The following GULP1 variants were observed in gnomAD, a reference collection of about 807,000 sequenced individuals.
GULP1 encodes the protein PTB domain-containing engulfment adapter protein 1.
GULP1 carries 19 observed loss-of-function variants against 40.9 expected under a neutral mutation model. That is an observed-to-expected ratio of 0.46 (90% CI 0.32 to 0.68). GULP1 has a LOEUF of 0.68. GULP1 is among the 30% of genes least tolerant of loss of function. GULP1 has a pLI of 0.03. For missense variants in GULP1, 312 were observed against 362.2 expected, an observed-to-expected ratio of 0.86 and a Z score of 1.12; for synonymous variants, 119 against 117.6, an observed-to-expected ratio of 1.01 and a Z score of -0.08.
intron 2 of GULP1, among the ~76,000 whole-genome samples, chr2:188,471,291 C>T (rs2060567733): frequency 6.6e-6 from 1 of 151,906 alleles, no homozygotes; most frequent in Non-Finnish European, 1.5e-5. Flanking sequence ...ACTCTTCCCA[C>T]CACCGCCCAC....
At chr2:188,357,860 C>A (rs2045561133) in intron 1 of GULP1, among the ~76,000 whole-genome samples, 1 of 151,938 alleles carries the variant, frequency 6.6e-6, no homozygotes, top group Non-Finnish European at 1.5e-5. Context: ...TATATGTGTA[C>A]AATACAATAT....
intron 4 of GULP1, among the ~76,000 whole-genome samples, chr2:188,505,359 C>T (rs1279683722): frequency 5.3e-5 from 8 of 151,788 alleles, no homozygotes; most frequent in Admixed American, 5.3e-4. Context: ...AACTATGCCA[C>T]CTTTCCTCTC....
chr2:188,398,445 TTAA>T (rs1179775573), intron 2 of GULP1, among the ~76,000 whole-genome samples: 4 of 152,274 alleles, frequency 2.6e-5, no homozygotes, highest in African/African-American at 7.2e-5. Context: ...TACATCTGTG[TTAA>T]TAATGATATT....
At chr2:188,503,504 C>A (rs543564812) in intron 4 of GULP1, among the ~76,000 whole-genome samples, 1 of 151,812 alleles carries the variant, frequency 6.6e-6, no homozygotes, top group Non-Finnish European at 1.5e-5. Flanking sequence ...GAGGAAACTG[C>A]CCCCCGTGAT....
chr2:188,539,372 A>C (rs59164826), intron 6 of GULP1, among the ~76,000 whole-genome samples: 58 of 152,252 alleles, frequency 3.8e-4, no homozygotes, highest in African/African-American at 1.4e-3. Flanking sequence ...GCTGTTATTT[A>C]ATTGACTATA....
chr2:188,382,764 T>C (rs574882582), intron 1 of GULP1, among the ~76,000 whole-genome samples: 11 of 152,280 alleles, frequency 7.2e-5, no homozygotes, highest in African/African-American at 2.4e-4. Context: ...CACACAGTTG[T>C]ATTCCCAGCT....
chr2:188,424,189 T>G (rs1305159379), intron 2 of GULP1, among the ~76,000 whole-genome samples: 1 of 151,878 alleles, frequency 6.6e-6, no homozygotes, highest in Non-Finnish European at 1.5e-5. Flanking sequence ...AAATGGAAAA[T>G]GCCTATTTAA....
chr2:188,310,856 A>G (rs1156511736), intron 1 of GULP1, among the ~76,000 whole-genome samples: 1 of 152,228 alleles, frequency 6.6e-6, no homozygotes, highest in Non-Finnish European at 1.5e-5. Context: ...GGAAGCTAAT[A>G]GAGATCTAAA....
intron 9 of GULP1, among the ~76,000 whole-genome samples, chr2:188,571,130 C>T (rs1394246641): frequency 6.6e-6 from 1 of 151,986 alleles, no homozygotes; most frequent in Non-Finnish European, 1.5e-5. Context: ...CCACTGCAGC[C>T]TGGGTGACAG....
chr2:188,418,794 T>C (rs931656338), intron 2 of GULP1, among the ~76,000 whole-genome samples: 1 of 152,158 alleles, frequency 6.6e-6, no homozygotes, highest in Non-Finnish European at 1.5e-5. Flanking sequence ...TTGTTGACTA[T>C]AGCTACAATG....
chr2:188,438,370 A>C (rs1426110599), intron 2 of GULP1, among the ~76,000 whole-genome samples: 2 of 151,302 alleles, frequency 1.3e-5, no homozygotes, highest in Non-Finnish European at 2.9e-5. Flanking sequence ...TAGATATATC[A>C]CATGTATAGC....
At chr2:188,450,782 T>C (rs1475989470) in intron 2 of GULP1, among the ~76,000 whole-genome samples, 1 of 152,224 alleles carries the variant, frequency 6.6e-6, no homozygotes, top group African/African-American at 2.4e-5. Flanking sequence ...ATTGCTCTTC[T>C]ATAGTTCAGT....
At chr2:188,323,692 G>A (rs968703985) in intron 1 of GULP1, among the ~76,000 whole-genome samples, 1 of 137,272 alleles carries the variant, frequency 7.3e-6, no homozygotes, top group Non-Finnish European at 1.6e-5. Flanking sequence ...GTGTGTGTAT[G>A]TGTGTACAAA....
At chr2:188,317,991 A>C (rs1390202828) in intron 1 of GULP1, among the ~76,000 whole-genome samples, 1 of 152,102 alleles carries the variant, frequency 6.6e-6, no homozygotes, top group Non-Finnish European at 1.5e-5. Flanking sequence ...CCAAAATTTC[A>C]CTTGGCTATT....
chr2:188,457,382 T>C (rs2059352740), intron 2 of GULP1, among the ~76,000 whole-genome samples: 1 of 152,264 alleles, frequency 6.6e-6, no homozygotes, highest in Admixed American at 6.5e-5. Flanking sequence ...GGCTCTTTTC[T>C]GTGCTGTTCT....
At chr2:188,354,023 C>T (rs373839808) in intron 1 of GULP1, among the ~76,000 whole-genome samples, 2 of 152,088 alleles carry the variant, frequency 1.3e-5, no homozygotes, top group African/African-American at 4.8e-5. Context: ...CCCTGCTTCC[C>T]TGGAGCTGGA....
intron 1 of GULP1, among the ~76,000 whole-genome samples, chr2:188,296,719 CT>C (rs1162554202): frequency 1.3e-5 from 2 of 151,886 alleles, no homozygotes; most frequent in Admixed American, 1.3e-4. Context: ...TTTGAATAGC[CT>C]TGTATGTATT....
At chr2:188,593,891 A>G (rs1487679022) in intron 11 of GULP1, 49 bp from the exon 12 acceptor site, 1 of 1,003,814 alleles carries the variant, frequency 1.0e-6, no homozygotes, top group South Asian at 1.3e-5. Context: ...CACTGATTTT[A>G]TTTTGCTGTA....
At chr2:188,535,397 C>T (rs1180431577) in intron 6 of GULP1, among the ~76,000 whole-genome samples, 1 of 151,968 alleles carries the variant, frequency 6.6e-6, no homozygotes, top group Non-Finnish European at 1.5e-5. Context: ...ATTATGTCCA[C>T]GAGTACCCAA....
Sources: gnomAD v4.1 joint callset for allele counts (sites outside exome capture counted in the v4.1 genomes callset) on GRCh38, gnomAD v4.1.1 for gene constraint, MANE v1.5 for transcripts, NCBI Gene and HGNC (gene_info 2026-07-23, HGNC 2026-07-21) for gene names.